STXBP5: variants seen among roughly 807,000 people sequenced by gnomAD.
STXBP5 encodes syntaxin binding protein 5.
Under a neutral mutation model 152.4 loss-of-function variants are expected in STXBP5, and 50 were observed. The ratio of observed to expected loss-of-function variants is 0.33; its 90% CI spans 0.26 to 0.42. The LOEUF (loss-of-function observed/expected upper bound fraction) is 0.42. Ranked by LOEUF, STXBP5 falls within the 10% of genes least tolerant of loss-of-function variation. STXBP5 has a pLI of 1.00. For missense variants in STXBP5, 1,167 were observed against 1,388.6 expected (o/e 0.84, Z 2.54); for synonymous variants, 492 against 494.7 (o/e 0.99, Z 0.07).
At chr6:147,216,232 A>G (rs184115186) in intron 2 of STXBP5, among the ~76,000 whole-genome samples, 1 of 152,236 alleles carries the variant, frequency 6.6e-6, no homozygotes, top group African/African-American at 2.4e-5. Context: ...TCTCTACTAA[A>G]AATATAAAAA....
chr6:147,221,563 G>A (rs144516631), intron 2 of STXBP5, among the ~76,000 whole-genome samples: 156 of 149,676 alleles, frequency 1.0e-3, no homozygotes, highest in African/African-American at 3.7e-3. Context: ...TTAACTTTCT[G>A]CACTTTAAAT....
chr6:147,253,437 T>C (rs926582537), intron 4 of STXBP5, among the ~76,000 whole-genome samples: 1 of 152,056 alleles, frequency 6.6e-6, no homozygotes, highest in East Asian at 1.9e-4. Flanking sequence ...TCCAACATAG[T>C]ATTGGAAGTT....
In STXBP5 at chr6:147,315,717, A is replaced by T; in HGVS notation, c.1605A>T (p.Val535=). The T allele has an allele frequency of 6.2e-7, 1 of 1,613,480 alleles. No homozygotes were observed. Among genetic ancestry groups the T allele is most frequent in the South Asian group, 1.1e-5 (1 of 91,068 alleles). Reference sequence around the variant, plus strand: ...TTTATAGATTCAGCAAGCAGGAAGTAATCACAGAAGTCATTCCGGTAATAA... The same window carrying T: ...TTTATAGATTCAGCAAGCAGGAAGTTATCACAGAAGTCATTCCGGTAATAA... ...VIIYRFSKQE[V]ITEVIPMLEV... Residue 535 remains valine (V), a synonymous_variant, in exon 15 of 28, where the codon GTA becomes GTT. Coordinates refer to ENST00000321680, the MANE Select transcript of STXBP5 (RefSeq NM_001127715.4).
chr6:147,339,755 A>G (rs922043348), intron 21 of STXBP5, among the ~76,000 whole-genome samples: 2 of 151,908 alleles, frequency 1.3e-5, no homozygotes, highest in Non-Finnish European at 2.9e-5. Flanking sequence ...TGTCTCTCTC[A>G]TATTTTCAAG....
chr6:147,379,503 TG>T (rs1335663393), intron 26 of STXBP5, among the ~76,000 whole-genome samples: 2 of 152,180 alleles, frequency 1.3e-5, no homozygotes, highest in Middle Eastern at 3.2e-3. Flanking sequence ...AACTGATGTC[TG>T]TATGTATATA....
intron 4 of STXBP5, among the ~76,000 whole-genome samples, chr6:147,240,381 T>C (rs974624601): frequency 6.6e-6 from 1 of 152,178 alleles, no homozygotes; most frequent in African/African-American, 2.4e-5. Flanking sequence ...CTTGTATACA[T>C]GTGTAGTTGT....
chr6:147,213,871 T>C (rs528625310), intron 2 of STXBP5, among the ~76,000 whole-genome samples: 1 of 152,266 alleles, frequency 6.6e-6, no homozygotes, highest in African/African-American at 2.4e-5. Context: ...ATTAATACCT[T>C]TTAGATTTGA....
At chr6:147,268,240 C>A (rs1779988553) in intron 7 of STXBP5, among the ~76,000 whole-genome samples, 1 of 152,102 alleles carries the variant, frequency 6.6e-6, no homozygotes, top group Admixed American at 6.5e-5. Flanking sequence ...ATTTCTGAAT[C>A]AAATTTAGAA....
chr6:147,372,527 C>T (rs1289867924), intron 25 of STXBP5, among the ~76,000 whole-genome samples: 7 of 143,324 alleles, frequency 4.9e-5, no homozygotes, highest in African/African-American at 7.8e-5. Flanking sequence ...TTCCGCCTCC[C>T]GGGTTCAAGC....
At chr6:147,267,753 CG>C (rs1293928009) in intron 7 of STXBP5, among the ~76,000 whole-genome samples, 1 of 151,816 alleles carries the variant, frequency 6.6e-6, no homozygotes, top group Non-Finnish European at 1.5e-5. Context: ...GATCAAATGC[CG>C]GTTTATTTTT....
At chr6:147,215,076 C>T (rs551297038) in intron 2 of STXBP5, among the ~76,000 whole-genome samples, 53 of 152,294 alleles carry the variant, frequency 3.5e-4, no homozygotes, top group Non-Finnish European at 7.2e-4. Flanking sequence ...GTCTCTGTGA[C>T]GGCTACTCAA....
chr6:147,284,851 G>T (rs1780880734), intron 8 of STXBP5, among the ~76,000 whole-genome samples: 1 of 152,176 alleles, frequency 6.6e-6, no homozygotes, highest in Admixed American at 6.5e-5. Flanking sequence ...CTTCATAATG[G>T]AGACCTAGTA....
At chr6:147,268,363 G>A (rs901892912) in intron 7 of STXBP5, among the ~76,000 whole-genome samples, 5 of 152,154 alleles carry the variant, frequency 3.3e-5, no homozygotes, top group African/African-American at 9.7e-5. Flanking sequence ...CTATATCTAG[G>A]AAATGTGTAA....
intron 7 of STXBP5, among the ~76,000 whole-genome samples, chr6:147,268,287 T>C (rs754057577): frequency 3.3e-5 from 5 of 152,216 alleles, no homozygotes; most frequent in Admixed American, 6.5e-5. Flanking sequence ...CTTCTTTCAG[T>C]GCCATGTCTG....
At chr6:147,366,011 T>A (rs1373493986) in intron 25 of STXBP5, among the ~76,000 whole-genome samples, 1 of 152,144 alleles carries the variant, frequency 6.6e-6, no homozygotes, top group Non-Finnish European at 1.5e-5. Context: ...CAGATAGGAA[T>A]CAAAGAAGGT....
In STXBP5 at chr6:147,325,074, TC is replaced by T. The variant is rs1213437559; in HGVS notation, c.1920del (p.Tyr641MetfsTer89). ...QQITSLAVNS[S>X]YGLVVFGNCN... is the part of the protein sequence containing the mutation. ...AATAACCAGCCTGGCAGTCAATTCT[TC>T]CTATGGACTGTAAGTATAAGTTACG... is the stretch of plus-strand genomic sequence containing the variant. On this transcript the variant is annotated frameshift_variant, in exon 17 of 28. Transcript: ENST00000321680. LOFTEE classifies it high-confidence loss of function. 6.5e-7 allele frequency: 1 copy of T among 1,544,782 alleles called. No individual in the cohort carries two copies. Among genetic ancestry groups the T allele is most frequent in the Non-Finnish European group, 8.8e-7 (1 of 1,141,954 alleles).
intron 25 of STXBP5, among the ~76,000 whole-genome samples, chr6:147,373,504 A>G (rs191326351): frequency 1.3e-5 from 2 of 152,296 alleles, no homozygotes; most frequent in Admixed American, 6.5e-5. Context: ...TTTGCCTAAA[A>G]TGCAAACAAA....
chr6:147,383,317 TCTA>T (rs370183881), intron 27 of STXBP5, among the ~76,000 whole-genome samples: 76 of 152,148 alleles, frequency 5.0e-4, no homozygotes, highest in African/African-American at 1.8e-3. Flanking sequence ...TGCCTCAGAG[TCTA>T]CTACCACTTT....
chr6:147,204,999 T>C lies in STXBP5; in HGVS notation c.150+317T>C, dbSNP rs1280649558. On this transcript the variant is annotated intron_variant, in intron 1 of 27. Transcript: ENST00000321680. The surrounding 1 kb of genome is among the most constrained non-coding windows in gnomAD (Gnocchi z 4.3). ...CAGTAATAACCTGGAAGCTTTTATA[T>C]TCAAGCGTTTTAATATGATTCACCA... Among the ~76,000 whole-genome samples, 1 of 152,174 alleles carries C rather than the reference T, an allele frequency of 6.6e-6. No individual in the cohort carries two copies. The highest frequency in any genetic ancestry group is 2.4e-5 in the African/African-American group (1 of 41,446).
Sources: allele counts gnomAD v4.1 joint callset (sites outside exome capture counted in the v4.1 genomes callset), GRCh38; gene constraint gnomAD v4.1.1; non-coding constraint Gnocchi (gnomAD v3.1); transcripts MANE v1.5; gene names NCBI Gene and HGNC (gene_info 2026-07-23, HGNC 2026-07-21).